FBLN5: variants seen among roughly 807,000 people sequenced by gnomAD.
FBLN5 encodes the protein fibulin 5, also known as fibulin-5.
FBLN5 carries 24 observed loss-of-function variants against 61.6 expected under a neutral mutation model. The observed-to-expected ratio is 0.39, with a 90% CI of 0.28 to 0.55. The LOEUF (loss-of-function observed/expected upper bound fraction) is 0.55. Among genes scored for constraint, FBLN5 ranks in the 20% least tolerant of loss-of-function variants. The pLI, the probability that FBLN5 is intolerant of heterozygous loss-of-function variation, is 0.65. For missense variants in FBLN5, 470 were observed against 594.1 expected, an observed-to-expected ratio of 0.79 and a Z score of 2.17; for synonymous variants, 213 against 219.8, an observed-to-expected ratio of 0.97 and a Z score of 0.27.
At chr14:91,931,144 A>C (rs1345833646) in intron 4 of FBLN5, among the ~76,000 whole-genome samples, 1 of 152,228 alleles carries the variant, frequency 6.6e-6, no homozygotes, top group Non-Finnish European at 1.5e-5. Flanking sequence ...GGAAGTGGCC[A>C]AACCAAGGTG....
chr14:91,896,626 A>G (rs985432153), intron 4 of FBLN5, among the ~76,000 whole-genome samples: 2 of 152,168 alleles, frequency 1.3e-5, no homozygotes, highest in Non-Finnish European at 2.9e-5. Context: ...GCACCAAGCC[A>G]AGAGCTGAGT....
At chr14:91,918,910 A>G (rs1350939604) in intron 4 of FBLN5, among the ~76,000 whole-genome samples, 1 of 152,218 alleles carries the variant, frequency 6.6e-6, no homozygotes, top group African/African-American at 2.4e-5. Context: ...ATGTCCCAAC[A>G]GAGGCACAAG....
At chr14:91,879,004 C>A (rs576351040) in intron 9 of FBLN5, among the ~76,000 whole-genome samples, 4 of 152,296 alleles carry the variant, frequency 2.6e-5, no homozygotes, top group Non-Finnish European at 5.9e-5. Flanking sequence ...TGTTTGAGCC[C>A]AAAAGGTTGA....
At chr14:91,938,098 A>G (rs1208108705) in intron 3 of FBLN5, among the ~76,000 whole-genome samples, 1 of 152,228 alleles carries the variant, frequency 6.6e-6, no homozygotes, top group African/African-American at 2.4e-5. Flanking sequence ...TGGGCCTAAC[A>G]ATTGTCTCCA....
At chr14:91,871,884 C>T (rs1888948348) in intron 10 of FBLN5, among the ~76,000 whole-genome samples, 1 of 151,846 alleles carries the variant, frequency 6.6e-6, no homozygotes, top group South Asian at 2.1e-4. Flanking sequence ...TCATAAAACC[C>T]TGAAAGGCCT....
chr14:91,936,833 G>T, intron 4 of FBLN5, 114 bp downstream of exon 4: 2 of 1,229,126 alleles, frequency 1.6e-6, no homozygotes, highest in African/African-American at 1.5e-5. Context: ...GTAAGTCATT[G>T]TTTCACTGGT....
intron 4 of FBLN5, 137 bp downstream of exon 4, chr14:91,936,810 A>T: frequency 9.5e-7 from 1 of 1,055,246 alleles, no homozygotes; most frequent in Non-Finnish European, 1.5e-6. Context: ...AGAGTGAAAT[A>T]AGTATGCAGA....
At chr14:91,911,874 A>G (rs1420692936) in intron 4 of FBLN5, among the ~76,000 whole-genome samples, 1 of 151,910 alleles carries the variant, frequency 6.6e-6, no homozygotes, top group African/African-American at 2.4e-5. Flanking sequence ...ATGACCTTGT[A>G]GACCTATTAG....
At chr14:91,921,475 A>G (rs2055732718) in intron 4 of FBLN5, among the ~76,000 whole-genome samples, 1 of 152,160 alleles carries the variant, frequency 6.6e-6, no homozygotes, top group Non-Finnish European at 1.5e-5. Context: ...ACAAACAAAT[A>G]CATAAAAAGC....
rs35840279 is a variant in FBLN5, at chr14:91,898,796, C to CTTT, written c.380-3727_380-3725dup. Among the ~76,000 whole-genome samples the CTTT allele has an allele frequency of 8.2e-3, 690 of 84,194 alleles. 3 individuals carry two copies. Among genetic ancestry groups the CTTT allele is most frequent in the Non-Finnish European group, 9.4e-3 (425 of 45,192 alleles). The allele number at this position is 84,194 out of a possible 152,430, so 55.2% of individuals were successfully genotyped here. On this transcript the variant is annotated intron_variant, in intron 4 of 10. Transcript: ENST00000342058. The stretch of plus-strand genomic sequence containing the variant: ...TTGCTCACTCATTCATTCATTCATT[C>CTTT]TTTTTTTTTTTTTTTTTTTTTTTGC...
At chr14:91,889,221 C>A (rs1359040714) in intron 6 of FBLN5, among the ~76,000 whole-genome samples, 1 of 152,232 alleles carries the variant, frequency 6.6e-6, no homozygotes, top group Non-Finnish European at 1.5e-5. Context: ...CCACTGAGTG[C>A]AAGTTCAGAC....
chr14:91,929,127 CAT>C (rs759189172), intron 4 of FBLN5, among the ~76,000 whole-genome samples: 58 of 150,800 alleles, frequency 3.8e-4, no homozygotes, highest in African/African-American at 1.0e-3. Context: ...CACACACACA[CAT>C]GATACAGTGA....
At chr14:91,914,739 T>C (rs779806991) in intron 4 of FBLN5, among the ~76,000 whole-genome samples, 35 of 149,546 alleles carry the variant, frequency 2.3e-4, no homozygotes, top group Non-Finnish European at 3.3e-4. Flanking sequence ...AAGAAAGAGA[T>C]CGGGGAGAGC....
rs1054526797 is a variant in FBLN5, at chr14:91,933,872, G to A, written c.379+3075C>T. On this transcript the variant is annotated intron_variant, in intron 4 of 10. Coordinates refer to ENST00000342058, the MANE Select transcript of FBLN5 (RefSeq NM_006329.4). ...CACCTATAATCCCAGCATTGTGGGA[G>A]GCCGAGGCATGAGGATTGCTTGAGC... Among the ~76,000 whole-genome samples, 12 of 152,302 alleles carry A rather than the reference G, an allele frequency of 7.9e-5. No homozygotes were observed. The East Asian group carries it at 1.2e-3, about 15-fold the overall frequency.
At chr14:91,942,297 C>T (rs569709004) in intron 2 of FBLN5, 4 of 400,182 alleles carry the variant, frequency 1.0e-5, no homozygotes, top group East Asian at 7.3e-5. Flanking sequence ...GATGGGCCCT[C>T]CTAGGTTTGG....
Position 91,946,717 on chromosome 14 carries a change from C to G in FBLN5, c.17+496G>C, listed in dbSNP as rs1057482081. ...TAGCAAAACATTTGCTTACATGTAT[C>G]TCTGTCTGCAGTTCCCACTTCTCAT... On this transcript the variant is annotated intron_variant, in intron 1 of 10. Coordinates refer to ENST00000342058, the MANE Select transcript of FBLN5 (RefSeq NM_006329.4). 3 of 1,535,306 alleles carry G rather than the reference C, an allele frequency of 2.0e-6. No individual in the cohort carries two copies. In the African/African-American group the frequency reaches 4.1e-5, roughly 21 times the overall value.
chr14:91,883,987 A>G (rs1424689668), intron 7 of FBLN5, among the ~76,000 whole-genome samples: 1 of 152,236 alleles, frequency 6.6e-6, no homozygotes, highest in Non-Finnish European at 1.5e-5. Context: ...CATGCCAAAG[A>G]AAACATGTTG....
At chr14:91,934,171 C>G (rs1276852090) in intron 4 of FBLN5, among the ~76,000 whole-genome samples, 2 of 152,194 alleles carry the variant, frequency 1.3e-5, no homozygotes, top group Non-Finnish European at 2.9e-5. Flanking sequence ...TGCACTACAG[C>G]CTGGGTAACA....
chr14:91,923,941 C>T (rs550713279), intron 4 of FBLN5, among the ~76,000 whole-genome samples: 1 of 152,222 alleles, frequency 6.6e-6, no homozygotes, highest in Non-Finnish European at 1.5e-5. Flanking sequence ...TGTCCCATAC[C>T]TACGTTCGTT....
Sources: allele counts gnomAD v4.1 joint callset (sites outside exome capture counted in the v4.1 genomes callset), GRCh38; gene constraint gnomAD v4.1.1; transcripts MANE v1.5; gene names NCBI Gene and HGNC (gene_info 2026-07-23, HGNC 2026-07-21).